Variants in SUMF1 observed in about 807,000 individuals in gnomAD.
SUMF1 encodes sulfatase modifying factor 1, also known as formylglycine-generating enzyme.
A neutral mutation model predicts 47.6 loss-of-function variants in SUMF1; 48 were observed. That is an observed-to-expected ratio of 1.01 (90% confidence interval 0.80 to 1.28). The LOEUF is 1.28. SUMF1 is among the 50% of genes most tolerant of loss of function. SUMF1 has a pLI of 0.00. For missense variants in SUMF1, 571 were observed against 485.4 expected (o/e 1.18, Z -1.66); for synonymous variants, 230 against 192.1 (o/e 1.20, Z -1.63).
At chr3:4,064,310 G>A (rs368890789) in intron 9 of SUMF1, among the ~76,000 whole-genome samples, 3 of 113,708 alleles carry the variant, frequency 2.6e-5, no homozygotes, top group Non-Finnish European at 6.4e-5. Flanking sequence ...ACTATAATGC[G>A]TTAGCATGCT....
intron 8 of SUMF1, chr3:4,316,607 T>G: frequency 6.4e-7 from 1 of 1,551,254 alleles, no homozygotes; most frequent in Non-Finnish European, 8.7e-7. Context: ...AAAATCGTCG[T>G]TTTGAAGTGT....
intron 8 of SUMF1, among the ~76,000 whole-genome samples, chr3:4,273,049 G>C (rs554235587): frequency 6.6e-6 from 1 of 151,170 alleles, no homozygotes; most frequent in East Asian, 1.9e-4. Context: ...GACAGAGTGA[G>C]GCTCTGTCTC....
At chr3:4,039,208 AATTTTTTT>A (rs1245274102) in intron 9 of SUMF1, among the ~76,000 whole-genome samples, 2 of 46,166 alleles carry the variant, frequency 4.3e-5, no homozygotes, top group South Asian at 1.1e-3. Context: ...CATCTATGCA[AATTTTTTT>A]TTTTTTTTTT....
intron 8 of SUMF1, among the ~76,000 whole-genome samples, chr3:4,353,677 T>C (rs1184915314): frequency 6.6e-6 from 1 of 152,122 alleles, no homozygotes; most frequent in Non-Finnish European, 1.5e-5. Flanking sequence ...CATCTTAATA[T>C]TATTATGAAA....
chr3:4,276,812 C>G (rs1364371062), intron 8 of SUMF1, among the ~76,000 whole-genome samples: 3 of 152,084 alleles, frequency 2.0e-5, no homozygotes, highest in African/African-American at 7.2e-5. Context: ...AATTCCCATA[C>G]TGTGCATTTT....
chr3:4,442,687 G>A (rs1181853315), intron 3 of SUMF1, among the ~76,000 whole-genome samples: 1 of 149,058 alleles, frequency 6.7e-6, no homozygotes. Context: ...AGTGGAGGAG[G>A]GGAAGAAATC....
At chr3:4,247,939 C>T (rs766215366) in intron 8 of SUMF1, among the ~76,000 whole-genome samples, 2 of 152,162 alleles carry the variant, frequency 1.3e-5, no homozygotes, top group African/African-American at 2.4e-5. Context: ...TCAATCCCCT[C>T]ATACAAAATG....
chr3:4,451,395 C>T (rs191892930), intron 2 of SUMF1, among the ~76,000 whole-genome samples: 56 of 152,256 alleles, frequency 3.7e-4, no homozygotes, highest in Non-Finnish European at 6.2e-4. Context: ...TACATTGTGG[C>T]TCGAGGGTAG....
chr3:4,258,261 T>C (rs1280072192), intron 8 of SUMF1, among the ~76,000 whole-genome samples: 3 of 147,846 alleles, frequency 2.0e-5, no homozygotes, highest in African/African-American at 7.8e-5. Context: ...AATTGACAAA[T>C]GGGATCTAAT....
At chr3:4,137,024 G>A (rs1693949730) in intron 8 of SUMF1, among the ~76,000 whole-genome samples, 1 of 151,992 alleles carries the variant, frequency 6.6e-6, no homozygotes, top group African/African-American at 2.4e-5. Flanking sequence ...ACTGTTGGTG[G>A]GACTGTAAAC....
At chr3:4,137,070 C>T (rs1329154292) in intron 8 of SUMF1, among the ~76,000 whole-genome samples, 1 of 152,014 alleles carries the variant, frequency 6.6e-6, no homozygotes, top group African/African-American at 2.4e-5. Flanking sequence ...GTGGCGATTC[C>T]TCAAGGATCT....
chr3:4,186,129 C>G (rs946410457), intron 8 of SUMF1, among the ~76,000 whole-genome samples: 1 of 152,116 alleles, frequency 6.6e-6, no homozygotes, highest in Non-Finnish European at 1.5e-5. Context: ...TATGTTTACT[C>G]TACATAGAGA....
chr3:4,467,185 A>G lies in SUMF1; in HGVS notation c.61T>C (p.Leu21=), dbSNP rs1226912310. ...GRCPELGLVL[L]LLLLSLLCGA... Reference sequence around the variant, plus strand: ...CACAGCAGCGAGAGCAGCAGCAGCAAGAGGACGAGACCCAGCTCAGGGCAA... The same window carrying G: ...CACAGCAGCGAGAGCAGCAGCAGCAGGAGGACGAGACCCAGCTCAGGGCAA... The change falls in exon 1 of 9, where the codon TTG becomes CTG. Residue 21 remains leucine (L), a synonymous_variant. Transcript: ENST00000272902. The G allele has an allele frequency of 1.2e-6, 2 of 1,610,392 alleles. No homozygotes were observed. The highest frequency in any genetic ancestry group is 1.3e-5 in the African/African-American group (1 of 74,836).
At chr3:4,118,101 G>A (rs955752133) in intron 8 of SUMF1, among the ~76,000 whole-genome samples, 1 of 151,998 alleles carries the variant, frequency 6.6e-6, no homozygotes, top group Non-Finnish European at 1.5e-5. Context: ...TAGGGTAAAT[G>A]AGAATTCATT....
At chr3:4,135,931 C>G (rs1302600708) in intron 8 of SUMF1, among the ~76,000 whole-genome samples, 1 of 152,032 alleles carries the variant, frequency 6.6e-6, no homozygotes, top group East Asian at 1.9e-4. Flanking sequence ...ATGTGAAGGA[C>G]CTTTTCAAGG....
At chr3:4,401,400 A>G (rs1701207612) in intron 7 of SUMF1, among the ~76,000 whole-genome samples, 3 of 152,164 alleles carry the variant, frequency 2.0e-5, no homozygotes, top group Admixed American at 6.5e-5. Flanking sequence ...ACTGTCTTCC[A>G]CAATGGTTGA....
chr3:4,091,542 A>C (rs986517401), intron 8 of SUMF1, among the ~76,000 whole-genome samples: 15 of 152,118 alleles, frequency 9.9e-5, no homozygotes, highest in Admixed American at 8.5e-4. Flanking sequence ...TATTCAGTTA[A>C]ACAATTACAA....
chr3:4,130,926 T>A (rs1342940222), intron 8 of SUMF1, among the ~76,000 whole-genome samples: 1 of 152,100 alleles, frequency 6.6e-6, no homozygotes, highest in Non-Finnish European at 1.5e-5. Flanking sequence ...GATCCAATGG[T>A]GCTTGAGATG....
chr3:4,237,843 C>A (rs1696442683), intron 8 of SUMF1, among the ~76,000 whole-genome samples: 1 of 152,122 alleles, frequency 6.6e-6, no homozygotes, highest in Non-Finnish European at 1.5e-5. Flanking sequence ...ATGTTTGTTA[C>A]ATAGGTATAC....
Sources: allele counts gnomAD v4.1 joint callset (sites outside exome capture counted in the v4.1 genomes callset), GRCh38; gene constraint gnomAD v4.1.1; transcripts MANE v1.5; gene names NCBI Gene and HGNC (gene_info 2026-07-23, HGNC 2026-07-21).